Variants in RAPSN observed in about 807,000 individuals in gnomAD.
RAPSN encodes receptor associated protein of the synapse, also known as 43 kDa receptor-associated protein of the synapse.
RAPSN carries 33 observed loss-of-function variants against 45.7 expected under a neutral mutation model. That is an observed-to-expected ratio of 0.72 (90% CI 0.55 to 0.97). The LOEUF is 0.97. Among genes scored for constraint, RAPSN ranks in the 50% least tolerant of loss-of-function variants. RAPSN has a pLI of 0.00. For missense variants in RAPSN, 519 were observed against 559.4 expected, an observed-to-expected ratio of 0.93 and a Z score of 0.73; for synonymous variants, 244 against 233.6, an observed-to-expected ratio of 1.04 and a Z score of -0.40.
chr11:47,438,576 G>C, intron 7 of RAPSN, 156 bp downstream of exon 7: 1 of 850,268 alleles, frequency 1.2e-6, no homozygotes, highest in Non-Finnish European at 1.8e-6. Context: ...GCCCGCCTCG[G>C]CCTCCCAAAG....
chr11:47,447,923 C>G lies in RAPSN; in HGVS notation c.420G>C (p.Gln140His). The G allele has an allele frequency of 6.2e-7, 1 of 1,613,456 alleles. No individual in the cohort carries two copies. The highest frequency in any genetic ancestry group is 2.2e-5 in the East Asian group (1 of 44,872). Reference sequence around the variant, plus strand: ...CCTTCTCGAAGCTCTCCAGGGCCTTCTGGAAGACGCTGAGGCCCAGGAAGG... The same window carrying G: ...CCTTCTCGAAGCTCTCCAGGGCCTTGTGGAAGACGCTGAGGCCCAGGAAGG... ...GNAFLGLSVF[Q>H]KALESFEKAL... The change falls in exon 2 of 8, where the codon CAG becomes CAC. Residue 140 changes from glutamine (Q) to histidine (H), a missense_variant. By Grantham distance (24) the Gln-to-His change is conservative (BLOSUM62 0). Coordinates refer to ENST00000298854, the MANE Select transcript of RAPSN (RefSeq NM_005055.5).
rs34312154 is a variant in RAPSN, at chr11:47,448,793, G to A, written c.172C>T (p.Arg58Cys). ...CCCACCTTCAGCATCTCCTTGTAGC[G>A]GCCCATCTCCGAGTGGGCTGTGACC... ...CLVTAHSEMG[R>C]YKEMLKFAVV... The change falls in exon 1 of 8, where the codon CGC becomes TGC. Residue 58 changes from arginine (R) to cysteine (C), a missense_variant. Coordinates refer to ENST00000298854, the MANE Select transcript of RAPSN (RefSeq NM_005055.5). 0.11 allele frequency: 170,159 copies of A among 1,611,616 alleles called. 10,413 individuals are homozygous for A. The highest frequency in any genetic ancestry group is 0.13 in the South Asian group (12,043 of 91,086).
In RAPSN at chr11:47,438,770, C is replaced by T. The variant is rs1194287140; in HGVS notation, c.1128G>A (p.Arg376=). The change falls in exon 7 of 8, where the codon CGG becomes CGA. Residue 376 remains arginine (R), a synonymous_variant. Coordinates refer to ENST00000298854, the MANE Select transcript of RAPSN (RefSeq NM_005055.5). Reference sequence around the variant, plus strand: ...TGTGGGAGCAAGGTAGGGCCTGCAGCCGGCTGTTCTTCTCGCCTATGGACT... The same window carrying T: ...TGTGGGAGCAAGGTAGGGCCTGCAGTCGGCTGTTCTTCTCGCCTATGGACT... ...CGESIGEKNS[R]LQALPCSHIF... 10 of 1,564,836 alleles carry T rather than the reference C, an allele frequency of 6.4e-6. No individual in the cohort carries two copies. Among genetic ancestry groups the T allele is most frequent in the Non-Finnish European group, 8.7e-6 (10 of 1,150,880 alleles).
rs1478882210 is a variant in RAPSN at position 47,448,772 on chromosome 11, C to T, written c.192+1G>A. The T allele has an allele frequency of 6.2e-7, 1 of 1,609,080 alleles. No individual in the cohort carries two copies. ...AACGCCCCCAGGCCGGGTACACCCA[C>T]CTTCAGCATCTCCTTGTAGCGGCCC... On this transcript the variant is annotated splice_donor_variant, in intron 1 of 7. Transcript: ENST00000298854. LOFTEE classifies it high-confidence loss of function.
At position 47,441,871 on chromosome 11, in the gene RAPSN, G is replaced by A; in HGVS notation, c.741C>T (p.Leu247=). The stretch of plus-strand genomic sequence containing the variant: ...GGATGTCAGCGAAGCAGAGCAGGCA[G>A]AGCGCCTGCAGTGGCCGGTCCCCGT... ...LQHGDRPLQA[L]CLLCFADIHR... The change falls in exon 4 of 8, where the codon CTC becomes CTT. Residue 247 remains leucine, a synonymous_variant. Coordinates refer to ENST00000298854, the MANE Select transcript of RAPSN (RefSeq NM_005055.5). 1 of 1,595,686 alleles carries A rather than the reference G, an allele frequency of 6.3e-7. No individual in the cohort carries two copies.
intron 7 of RAPSN, among the ~76,000 whole-genome samples, chr11:47,438,330 G>T (rs1349407493): frequency 6.6e-6 from 1 of 152,102 alleles, no homozygotes; most frequent in Non-Finnish European, 1.5e-5. Context: ...CCGACCTAAT[G>T]ACCTTTGAGG....
intron 3 of RAPSN, 124 bp downstream of exon 3, chr11:47,442,532 C>T: frequency 8.7e-7 from 1 of 1,148,374 alleles, no homozygotes; most frequent in Non-Finnish European, 1.2e-6. Context: ...AGAGGCTGGG[C>T]CAGAGGCAAG....
intron 6 of RAPSN, 81 bp from the exon 7 acceptor site, chr11:47,439,012 C>T: frequency 4.1e-6 from 6 of 1,448,586 alleles, no homozygotes; most frequent in Non-Finnish European, 5.6e-6. Context: ...CAGCCACTTC[C>T]CTGTCTTGCT....
chr11:47,442,899 C>T, intron 2 of RAPSN, 85 bp from the exon 3 acceptor site: 1 of 1,599,434 alleles, frequency 6.3e-7, no homozygotes, highest in Non-Finnish European at 8.5e-7. Flanking sequence ...GTTTCTCTAA[C>T]AGCAGGTAGG....
chr11:47,439,804 C>T (rs2076349440), intron 6 of RAPSN, among the ~76,000 whole-genome samples: 1 of 150,976 alleles, frequency 6.6e-6, no homozygotes, highest in African/African-American at 2.4e-5. Flanking sequence ...CCTCCACCTC[C>T]CGGGTTCAAG....
At chr11:47,444,690 C>A in intron 2 of RAPSN, among the ~76,000 whole-genome samples, 1 of 150,574 alleles carries the variant, frequency 6.6e-6, no homozygotes, top group East Asian at 1.9e-4. Flanking sequence ...AACCCCATCT[C>A]CACTAAAATA....
Position 47,438,811 on chromosome 11 carries a change from A to G in RAPSN, c.1087T>C (p.Cys363Arg). The change falls in exon 7 of 8, where the codon TGC becomes CGC. Residue 363 changes from cysteine (C) to arginine (R), a missense_variant. Coordinates refer to ENST00000298854, the MANE Select transcript of RAPSN (RefSeq NM_005055.5). Reference sequence around the variant, plus strand: ...CCTATGGACTCGCCGCACAGGCCGCAGTAGAGCTCCGTCTCCTCCACGCAC... The same window carrying G: ...CCTATGGACTCGCCGCACAGGCCGCGGTAGAGCTCCGTCTCCTCCACGCAC... ...HECVEETELYCGLCGESIGEK... is the reference protein window; with the variant it reads ...HECVEETELYRGLCGESIGEK... 1.3e-6 allele frequency: 2 copies of G among 1,574,226 alleles called. No individual in the cohort carries two copies. Among genetic ancestry groups the G allele is most frequent in the Non-Finnish European group, 1.7e-6 (2 of 1,158,808 alleles).
chr11:47,448,935 G>C lies in RAPSN; in HGVS notation c.30C>G (p.Ile10Met). The C allele has an allele frequency of 6.2e-7, 1 of 1,614,172 alleles. No homozygotes were observed. The highest frequency in any genetic ancestry group is 8.5e-7 in the Non-Finnish European group (1 of 1,180,034). The change falls in exon 1 of 8, where the codon ATC becomes ATG. Residue 10 changes from isoleucine to methionine, a missense_variant. Transcript: ENST00000298854. ...ACTGGTACAGCTGGAGCCCCTTCTC[G>C]ATCTGCTGCTTGGTCTGGTCCTGCC... MGQDQTKQQ[I>M]EKGLQLYQSN...
chr11:47,438,637 G>A, intron 7 of RAPSN, 95 bp downstream of exon 7: 1 of 1,437,202 alleles, frequency 7.0e-7, no homozygotes, highest in African/African-American at 1.4e-5. Flanking sequence ...TTAAGTGTTT[G>A]CTATTAGTAT....
In RAPSN at chr11:47,437,823, G is replaced by T; in HGVS notation, c.*152C>A. ...AAAGTACAAAGAGGCAGGGAGGGGA[G>T]CTGGGCCCAGGGGAGCAGCCCTGGG... On this transcript the variant is annotated 3_prime_UTR_variant, in exon 8 of 8. Coordinates refer to ENST00000298854, the MANE Select transcript of RAPSN (RefSeq NM_005055.5). 1 of 899,922 alleles carries T rather than the reference G, an allele frequency of 1.1e-6. No individual in the cohort carries two copies. Among genetic ancestry groups the T allele is most frequent in the Non-Finnish European group, 1.8e-6 (1 of 562,700 alleles). The allele number at this position is 899,922 out of a possible 1,614,324, so 55.7% of individuals were successfully genotyped here.
intron 2 of RAPSN, among the ~76,000 whole-genome samples, chr11:47,445,710 T>C (rs2076401061): frequency 6.6e-6 from 1 of 152,132 alleles, no homozygotes; most frequent in African/African-American, 2.4e-5. Context: ...TTTTACGTAT[T>C]TTGTAGGGTA....
At position 47,449,081 on chromosome 11, in the gene RAPSN, C is replaced by T. The variant is rs1437579765; in HGVS notation, c.-117G>A. The T allele has an allele frequency of 1.5e-5, 19 of 1,295,068 alleles. No homozygotes were observed. The highest frequency in any genetic ancestry group is 5.8e-5 in the African/African-American group (4 of 68,740). 80.2% of individuals were successfully genotyped at this position (1,295,068 alleles called of 1,614,324 possible). On this transcript the variant is annotated 5_prime_UTR_variant, in exon 1 of 8. Coordinates refer to ENST00000298854, the MANE Select transcript of RAPSN (RefSeq NM_005055.5). ...CCCCGAAACGTGGGAACAAAAGCAG[C>T]GTCGGGTGGGAGCCGGAATGGGGCC...
At chr11:47,441,451 G>A in intron 5 of RAPSN, 160 bp downstream of exon 5, 2 of 1,383,166 alleles carry the variant, frequency 1.4e-6, no homozygotes, top group South Asian at 1.3e-5. Context: ...GCAAGTGATG[G>A]GCCTTCTCTG....
rs148078235 is a variant in RAPSN, at chr11:47,441,692, G to A, written c.831C>T (p.Thr277=). The A allele has an allele frequency of 8.8e-5, 141 of 1,609,714 alleles. 1 individual carries two copies. The highest frequency in any genetic ancestry group is 5.8e-4 in the Admixed American group (35 of 60,000). Residue 277 remains threonine, a synonymous_variant, in exon 5 of 8, where the codon ACC becomes ACT. Coordinates refer to ENST00000298854, the MANE Select transcript of RAPSN (RefSeq NM_005055.5). ...PRYDSAMSIM[T]EIGNRLGQVQ... Reference sequence around the variant, plus strand: ...CCTGCCCCAGGCGGTTTCCGATCTCGGTCATGATGCTCATGGCGGAGTCGT... The same window carrying A: ...CCTGCCCCAGGCGGTTTCCGATCTCAGTCATGATGCTCATGGCGGAGTCGT...
Sources: allele counts gnomAD v4.1 joint callset (sites outside exome capture counted in the v4.1 genomes callset), GRCh38; gene constraint gnomAD v4.1.1; transcripts MANE v1.5; gene names NCBI Gene and HGNC (gene_info 2026-07-23, HGNC 2026-07-21).